Variants in ACTR3 observed in about 807,000 individuals in gnomAD.
ACTR3 encodes actin related protein 3, also known as actin-related protein 3.
In ACTR3, 12 loss-of-function variants were observed where a neutral mutation model predicts 56.8. The ratio of observed to expected loss-of-function variants is 0.21; its 90% CI spans 0.14 to 0.34. The LOEUF is 0.34. Among genes scored for constraint, ACTR3 ranks in the 10% least tolerant of loss-of-function variants. The pLI, the probability that ACTR3 is intolerant of heterozygous loss-of-function variation, is 1.00. For synonymous variants in ACTR3, 162 were observed against 167.4 expected (o/e 0.97, Z 0.25); for missense variants, 282 against 512.5 (o/e 0.55, Z 4.34).
At chr2:113,957,008 A>G (rs1487885611) in intron 11 of ACTR3, among the ~76,000 whole-genome samples, 1 of 152,238 alleles carries the variant, frequency 6.6e-6, no homozygotes, top group East Asian at 1.9e-4. Flanking sequence ...AGTTAGGCGA[A>G]TGCCGCTTCT....
chr2:113,952,968 G>C (rs945177705), intron 10 of ACTR3: 1 of 152,058 alleles, frequency 6.6e-6, no homozygotes, highest in Non-Finnish European at 1.5e-5. Flanking sequence ...TAAATTCTCT[G>C]TACTGAGAAT....
chr2:113,916,491 A>G (rs1679407785), intron 2 of ACTR3, among the ~76,000 whole-genome samples: 1 of 152,188 alleles, frequency 6.6e-6, no homozygotes, highest in African/African-American at 2.4e-5. Context: ...AGTTTAAAAA[A>G]TTATTCTTGA....
intron 6 of ACTR3, among the ~76,000 whole-genome samples, chr2:113,936,353 A>ATTGTTTAC (rs1293522681): frequency 2.2e-4 from 31 of 140,804 alleles, no homozygotes; most frequent in African/African-American, 7.3e-4. Flanking sequence ...ATTCCTTTTT[A>ATTGTTTAC]TTGTTTACTT....
intron 5 of ACTR3, 71 bp downstream of exon 5, chr2:113,931,467 G>C: frequency 9.8e-7 from 1 of 1,016,072 alleles, no homozygotes; most frequent in Non-Finnish European, 1.4e-6. Flanking sequence ...CCTAAAATAC[G>C]TACTTTTTTT....
intron 8 of ACTR3, among the ~76,000 whole-genome samples, chr2:113,946,088 T>A (rs753291585): frequency 6.6e-6 from 1 of 152,200 alleles, no homozygotes; most frequent in Non-Finnish European, 1.5e-5. Flanking sequence ...TTTTGTGAAG[T>A]GCTGCAGTGA....
intron 1 of ACTR3, among the ~76,000 whole-genome samples, chr2:113,899,229 A>G (rs958644124): frequency 1.3e-5 from 2 of 152,170 alleles, no homozygotes; most frequent in Non-Finnish European, 2.9e-5. Context: ...AAATGATGCT[A>G]ATTACATATA....
intron 3 of ACTR3, 40 bp downstream of exon 3, chr2:113,917,048 A>G (rs550489246): frequency 2.6e-5 from 40 of 1,546,864 alleles, no homozygotes; most frequent in Non-Finnish European, 3.5e-5. Context: ...TTTTCAAAAA[A>G]TAGTTTGTTC....
intron 10 of ACTR3, chr2:113,953,813 T>C (rs1213554583): frequency 6.6e-6 from 1 of 152,242 alleles, no homozygotes. Context: ...TCCAGTGTTA[T>C]CTAGTTATAG....
chr2:113,923,269 GTCTT>G (rs1679544231), intron 3 of ACTR3, among the ~76,000 whole-genome samples: 1 of 151,996 alleles, frequency 6.6e-6, no homozygotes, highest in Admixed American at 6.6e-5. Context: ...TTCTTGATTT[GTCTT>G]TCTTTTGCAG....
chr2:113,946,991 CT>C (rs1680034649), intron 8 of ACTR3, among the ~76,000 whole-genome samples: 1 of 152,116 alleles, frequency 6.6e-6, no homozygotes, highest in South Asian at 2.1e-4. Flanking sequence ...GGTCATTTAC[CT>C]TTCCTTTTAA....
Position 113,890,169 on chromosome 2 carries a change from A to G in ACTR3, c.-111A>G. 5 of 1,426,490 alleles carry G rather than the reference A, an allele frequency of 3.5e-6. No individual in the cohort carries two copies. Among genetic ancestry groups the G allele is most frequent in the Non-Finnish European group, 4.8e-6 (5 of 1,036,636 alleles). The allele number at this position is 1,426,490 out of a possible 1,614,324, so 88.4% of individuals were successfully genotyped here. On this transcript the variant is annotated 5_prime_UTR_variant, in exon 1 of 12. Transcript: ENST00000263238. The stretch of plus-strand genomic sequence containing the variant: ...CTTCCCGGCTACCCCCCGGACGGTG[A>G]AGGCGGCCCAGCTGTGGATGGTCAG...
chr2:113,905,042 T>C (rs1679168578), intron 1 of ACTR3: 1 of 152,226 alleles, frequency 6.6e-6, no homozygotes, highest in Non-Finnish European at 1.5e-5. Flanking sequence ...AAAGAAGTTT[T>C]TAATTTTTAC....
At chr2:113,903,598 C>T (rs1349637366) in intron 1 of ACTR3, among the ~76,000 whole-genome samples, 1 of 150,300 alleles carries the variant, frequency 6.7e-6, no homozygotes, top group Non-Finnish European at 1.5e-5. Flanking sequence ...TGCAGTAGCG[C>T]GATCTCGGCT....
chr2:113,961,461 T>G lies in ACTR3; in HGVS notation c.*4006T>G, dbSNP rs1422863826. ...AATGAAAGATTAAAAGTATACGATA[T>G]TCTATTTTGATTTAGCAATTACTTG... On this transcript the variant is annotated 3_prime_UTR_variant, in exon 12 of 12. Coordinates refer to ENST00000263238, the MANE Select transcript of ACTR3 (RefSeq NM_005721.5). 6.6e-6 allele frequency: 1 copy of G among 152,174 alleles called. No homozygotes were observed. The highest frequency in any genetic ancestry group is 1.5e-5 in the Non-Finnish European group (1 of 67,914). The allele number at this position is 152,174 out of a possible 1,614,324, so 9.4% of individuals were successfully genotyped here. A position where few individuals can be genotyped will look rare whatever the true frequency, so the allele number is the denominator to read the frequency against.
chr2:113,953,915 C>A (rs1241439283), intron 10 of ACTR3: 1 of 152,178 alleles, frequency 6.6e-6, no homozygotes, highest in Non-Finnish European at 1.5e-5. Context: ...AGGATCCAAT[C>A]AAGGATTGCA....
chr2:113,925,396 A>C (rs188894504), intron 3 of ACTR3, among the ~76,000 whole-genome samples: 2 of 151,880 alleles, frequency 1.3e-5, no homozygotes, highest in East Asian at 3.9e-4. Flanking sequence ...GGGTTTCACC[A>C]TGTTGGCCAG....
intron 8 of ACTR3, among the ~76,000 whole-genome samples, chr2:113,949,938 T>C (rs974377285): frequency 7.9e-5 from 12 of 152,192 alleles, no homozygotes; most frequent in African/African-American, 1.7e-4. Flanking sequence ...TGTTTGGAAA[T>C]AGTAAGTTTA....
intron 1 of ACTR3, chr2:113,890,534 C>T (rs1678867471): frequency 1.5e-6 from 2 of 1,370,574 alleles, no homozygotes; most frequent in African/African-American, 1.5e-5. Flanking sequence ...GGGCGCGGGC[C>T]CGAGATTCAA....
At chr2:113,919,640 G>A (rs1679469481) in intron 3 of ACTR3, among the ~76,000 whole-genome samples, 1 of 152,142 alleles carries the variant, frequency 6.6e-6, no homozygotes, top group African/African-American at 2.4e-5. Flanking sequence ...GGATATTGGT[G>A]ATAAGCTAGA....
Sources: allele counts gnomAD v4.1 joint callset (sites outside exome capture counted in the v4.1 genomes callset), GRCh38; gene constraint gnomAD v4.1.1; transcripts MANE v1.5; gene names NCBI Gene and HGNC (gene_info 2026-07-23, HGNC 2026-07-21).